KIAA0825: variants seen among roughly 807,000 people sequenced by gnomAD.
KIAA0825 encodes KIAA0825.
A neutral mutation model predicts 147.6 loss-of-function variants in KIAA0825; 119 were observed. That is an observed-to-expected ratio of 0.81 (90% CI 0.69 to 0.94). KIAA0825 has a LOEUF of 0.94. Among genes scored for constraint, KIAA0825 ranks in the 40% least tolerant of loss-of-function variants. KIAA0825 has a pLI of 0.00. For missense variants in KIAA0825, 1,381 were observed against 1,472.7 expected, an observed-to-expected ratio of 0.94 and a Z score of 1.02; for synonymous variants, 470 against 518.1, an observed-to-expected ratio of 0.91 and a Z score of 1.26.
intron 1 of KIAA0825, among the ~76,000 whole-genome samples, chr5:94,583,732 C>T (rs1447983951): frequency 1.3e-5 from 2 of 152,140 alleles, no homozygotes; most frequent in African/African-American, 4.8e-5. Flanking sequence ...TCAAGTGGGT[C>T]CCTGACCCCT....
chr5:94,442,823 A>C (rs1487523551), intron 13 of KIAA0825, among the ~76,000 whole-genome samples: 1 of 152,184 alleles, frequency 6.6e-6, no homozygotes, highest in African/African-American at 2.4e-5. Context: ...AAGGAAAGGG[A>C]ATCTTTGAGA....
In KIAA0825 at chr5:94,395,693, A is replaced by G. The variant is rs543852082; in HGVS notation, c.3296+408T>C. ...TTGACAATCAGGTACACAGAAAGCAATAAAAAGCCTTTTATATCCGTTAAT... is the reference window on the plus strand; with the variant it reads ...TTGACAATCAGGTACACAGAAAGCAGTAAAAAGCCTTTTATATCCGTTAAT... On this transcript the variant is annotated intron_variant, in intron 17 of 20. Transcript: ENST00000682413. Among the ~76,000 whole-genome samples, 4 of 152,270 alleles carry G rather than the reference A, an allele frequency of 2.6e-5. No homozygotes were observed. In the South Asian group the frequency reaches 6.2e-4, roughly 24 times the overall value.
chr5:94,370,452 A>C (rs1746520430), intron 20 of KIAA0825, among the ~76,000 whole-genome samples: 1 of 152,230 alleles, frequency 6.6e-6, no homozygotes, highest in African/African-American at 2.4e-5. Context: ...TAGAGAAATG[A>C]TTTTAAAATA....
chr5:94,348,210 G>A (rs1390849561), intron 20 of KIAA0825, among the ~76,000 whole-genome samples: 2 of 152,074 alleles, frequency 1.3e-5, no homozygotes, highest in Non-Finnish European at 2.9e-5. Context: ...TAAAAGTTTG[G>A]AAAACGTATT....
rs1484588419 is a variant in KIAA0825 at position 94,484,868 on chromosome 5, A to T, written c.1033T>A (p.Leu345Ile). ...FSLPLDKVEF[L>I]SQLIKSFMKL... ...ATAAAGGATTTTATGAGCTGCGATA[A>T]GAATTCGACTTTGTCTAAAGGGAGA... Residue 345 changes from leucine (L) to isoleucine (I), a missense_variant, in exon 6 of 21, where the codon TTA becomes ATA. Coordinates refer to ENST00000682413, the MANE Select transcript of KIAA0825 (RefSeq NM_001145678.3). 6.5e-7 allele frequency: 1 copy of T among 1,540,774 alleles called. No individual in the cohort carries two copies. The highest frequency in any genetic ancestry group is 2.5e-5 in the East Asian group (1 of 40,682).
At chr5:94,361,063 G>A (rs1744989395) in intron 20 of KIAA0825, among the ~76,000 whole-genome samples, 1 of 152,120 alleles carries the variant, frequency 6.6e-6, no homozygotes, top group African/African-American at 2.4e-5. Flanking sequence ...TTCCCAAGAG[G>A]TTAATGGGTT....
intron 5 of KIAA0825, among the ~76,000 whole-genome samples, chr5:94,518,509 A>G (rs193021926): frequency 6.6e-6 from 1 of 152,266 alleles, no homozygotes; most frequent in Non-Finnish European, 1.5e-5. Context: ...ATGGTGCTTG[A>G]GAACATGGGT....
chr5:94,335,711 TA>T (rs1431628313), intron 20 of KIAA0825, among the ~76,000 whole-genome samples: 3 of 152,126 alleles, frequency 2.0e-5, no homozygotes, highest in Non-Finnish European at 4.4e-5. Context: ...ATTCCCATTT[TA>T]ATAAGATTAG....
At chr5:94,319,518 C>T (rs1338358650) in intron 20 of KIAA0825, among the ~76,000 whole-genome samples, 2 of 151,816 alleles carry the variant, frequency 1.3e-5, no homozygotes, top group Non-Finnish European at 2.9e-5. Context: ...TTGATTTTTC[C>T]CCAAAACTTG....
At chr5:94,232,441 A>G (rs551166675) in intron 20 of KIAA0825, among the ~76,000 whole-genome samples, 30 of 152,232 alleles carry the variant, frequency 2.0e-4, no homozygotes, top group South Asian at 8.3e-4. Context: ...TTCTTGTGGA[A>G]CTTCATTTTA....
At chr5:94,489,615 G>T (rs1763476852) in intron 5 of KIAA0825, among the ~76,000 whole-genome samples, 1 of 151,212 alleles carries the variant, frequency 6.6e-6, no homozygotes, top group African/African-American at 2.4e-5. Context: ...GCTAGACATG[G>T]TGGCTCACAC....
chr5:94,529,698 T>G (rs1265755653), intron 3 of KIAA0825, among the ~76,000 whole-genome samples: 1 of 152,034 alleles, frequency 6.6e-6, no homozygotes, highest in Admixed American at 6.6e-5. Context: ...TATTTGAAAT[T>G]TTATCCTGAG....
intron 5 of KIAA0825, among the ~76,000 whole-genome samples, chr5:94,510,062 CA>C (rs1766270673): frequency 6.6e-6 from 1 of 152,118 alleles, no homozygotes; most frequent in African/African-American, 2.4e-5. Flanking sequence ...CAACGATCAT[CA>C]AAAAATTTGG....
At chr5:94,363,687 C>A (rs1745393963) in intron 20 of KIAA0825, among the ~76,000 whole-genome samples, 1 of 151,860 alleles carries the variant, frequency 6.6e-6, no homozygotes, top group Non-Finnish European at 1.5e-5. Context: ...GATGCAAGAA[C>A]CCATCTCTAC....
intron 20 of KIAA0825, among the ~76,000 whole-genome samples, chr5:94,314,430 A>C (rs1299085812): frequency 2.0e-5 from 3 of 151,702 alleles, no homozygotes; most frequent in African/African-American, 7.3e-5. Flanking sequence ...ACCAAACTCA[A>C]GGCACCATGT....
intron 2 of KIAA0825, among the ~76,000 whole-genome samples, chr5:94,566,596 G>A (rs903652780): frequency 6.6e-6 from 1 of 151,854 alleles, no homozygotes; most frequent in Non-Finnish European, 1.5e-5. Flanking sequence ...AGCTGTATCT[G>A]TCATCCACAG....
intron 20 of KIAA0825, among the ~76,000 whole-genome samples, chr5:94,380,421 A>G (rs1748239268): frequency 6.6e-6 from 1 of 152,246 alleles, no homozygotes; most frequent in African/African-American, 2.4e-5. Flanking sequence ...TTAATTCAAT[A>G]CACACTACTT....
At chr5:94,452,606 C>T (rs1758556382) in intron 13 of KIAA0825, among the ~76,000 whole-genome samples, 1 of 152,152 alleles carries the variant, frequency 6.6e-6, no homozygotes, top group Admixed American at 6.5e-5. Flanking sequence ...TCAACTTCTA[C>T]CTAAGGCTCT....
chr5:94,226,439 T>C (rs1172176052), intron 20 of KIAA0825, among the ~76,000 whole-genome samples: 1 of 151,926 alleles, frequency 6.6e-6, no homozygotes, highest in African/African-American at 2.4e-5. Flanking sequence ...AGTTCAACCA[T>C]TGTGGAAGAC....
Sources: gnomAD v4.1 joint callset for allele counts (sites outside exome capture counted in the v4.1 genomes callset) on GRCh38, gnomAD v4.1.1 for gene constraint, MANE v1.5 for transcripts, NCBI Gene and HGNC (gene_info 2026-07-23, HGNC 2026-07-21) for gene names.